PROS1: variants seen among roughly 807,000 people sequenced by gnomAD.
PROS1 encodes protein S.
PROS1 carries 29 observed loss-of-function variants against 75.9 expected under a neutral mutation model. That is an observed-to-expected ratio of 0.38 (90% CI 0.28 to 0.52). PROS1 has a LOEUF of 0.52. Among genes scored for constraint, PROS1 ranks in the 20% least tolerant of loss-of-function variants. The probability of loss-of-function intolerance (pLI) is 0.83; values close to 1 mark genes in which losing one functional copy is unlikely to be tolerated. For missense variants in PROS1, 680 were observed against 810.3 expected (o/e 0.84, Z 1.95); for synonymous variants, 245 against 280.6 (o/e 0.87, Z 1.27).
chr3:93,966,968 G>A (rs537637156), intron 1 of PROS1, among the ~76,000 whole-genome samples: 116 of 152,186 alleles, frequency 7.6e-4, no homozygotes, highest in African/African-American at 2.6e-3. Context: ...TTTTTGAAAC[G>A]TATAAGGGCC....
chr3:93,875,420 A>C (rs1288531026), intron 14 of PROS1, among the ~76,000 whole-genome samples: 5 of 152,074 alleles, frequency 3.3e-5, no homozygotes, highest in Non-Finnish European at 5.9e-5. Flanking sequence ...ATTTTGCCTG[A>C]AGTTAGTCCT....
chr3:93,967,194 C>T lies in PROS1; in HGVS notation c.76+6480G>A, dbSNP rs145193242. Among the ~76,000 whole-genome samples the T allele has an allele frequency of 1.3e-3, 193 of 152,280 alleles. 2 individuals carry two copies. Among genetic ancestry groups the T allele is most frequent in the Admixed American group, 0.012 (179 of 15,294 alleles). ...ATTTTTCTGCAGGATTGCTATTCCTCGAGCTGCTAAAAGTTGAACATATCA... is the reference window on the plus strand; with the variant it reads ...ATTTTTCTGCAGGATTGCTATTCCTTGAGCTGCTAAAAGTTGAACATATCA... On this transcript the variant is annotated intron_variant, in intron 1 of 14. Transcript: ENST00000394236.
chr3:93,965,657 A>C (rs1414081055), intron 1 of PROS1, among the ~76,000 whole-genome samples: 2 of 152,162 alleles, frequency 1.3e-5, no homozygotes, highest in Admixed American at 6.6e-5. Context: ...GAGCTCTGTG[A>C]GCAAGGACCC....
intron 1 of PROS1, among the ~76,000 whole-genome samples, chr3:93,957,069 C>T (rs555754874): frequency 7.5e-4 from 114 of 151,516 alleles, no homozygotes; most frequent in African/African-American, 2.7e-3. Context: ...TTGATATAAG[C>T]AAAACATTGG....
At chr3:93,880,626 G>A (rs1708263026) in intron 12 of PROS1, among the ~76,000 whole-genome samples, 1 of 152,138 alleles carries the variant, frequency 6.6e-6, no homozygotes, top group East Asian at 1.9e-4. Context: ...AATGTGTAAT[G>A]CTCAAATCAG....
At chr3:93,965,292 G>A (rs1337017739) in intron 1 of PROS1, among the ~76,000 whole-genome samples, 9 of 152,262 alleles carry the variant, frequency 5.9e-5, no homozygotes, top group East Asian at 5.8e-4. Context: ...GCTGTTTGCC[G>A]CCGTCGCAGA....
At chr3:93,969,640 C>G (rs532722031) in intron 1 of PROS1, among the ~76,000 whole-genome samples, 1 of 152,278 alleles carries the variant, frequency 6.6e-6, no homozygotes, top group Admixed American at 6.5e-5. Flanking sequence ...CACATGAGTT[C>G]CCACTGTATA....
intron 1 of PROS1, among the ~76,000 whole-genome samples, chr3:93,957,725 A>G (rs1709627064): frequency 6.6e-6 from 1 of 152,220 alleles, no homozygotes; most frequent in African/African-American, 2.4e-5. Context: ...ACCCCGGCAG[A>G]TATAAAAATC....
intron 1 of PROS1, among the ~76,000 whole-genome samples, chr3:93,952,224 G>C (rs1165122697): frequency 6.6e-6 from 1 of 152,076 alleles, no homozygotes. Flanking sequence ...TGCACCAAGA[G>C]GACCTAATAG....
intron 9 of PROS1, among the ~76,000 whole-genome samples, chr3:93,894,182 A>G (rs1708471068): frequency 6.6e-6 from 1 of 152,146 alleles, no homozygotes; most frequent in Non-Finnish European, 1.5e-5. Context: ...CAATATAGTA[A>G]AATAGTAATA....
chr3:93,926,093 T>C (rs546406924), intron 2 of PROS1, among the ~76,000 whole-genome samples: 1 of 152,230 alleles, frequency 6.6e-6, no homozygotes, highest in East Asian at 1.9e-4. Context: ...GATGTACTAA[T>C]ATGGTATCTT....
At position 93,925,658 on chromosome 3, in the gene PROS1, G is replaced by A. The variant is rs550576256; in HGVS notation, c.235-1394C>T. ...GGGCAACATGGCAAAACGCCCTCTC[G>A]ACAAAAAATACCAAAATTAGCCAGG... On this transcript the variant is annotated intron_variant, in intron 2 of 14. Transcript: ENST00000394236. Among the ~76,000 whole-genome samples the A allele has an allele frequency of 5.9e-5, 9 of 151,528 alleles. No individual in the cohort carries two copies. In the South Asian group the frequency reaches 6.3e-4, roughly 11 times the overall value.
rs1056536272 is a variant in PROS1 at position 93,965,509 on chromosome 3, A to G, written c.76+8165T>C. On this transcript the variant is annotated intron_variant, in intron 1 of 14. Transcript: ENST00000394236. ...GTGACCCAAGGCTTCTAATAGAGCTATAACACTCACTGCATGGCCGAAGAT... is the reference window on the plus strand; with the variant it reads ...GTGACCCAAGGCTTCTAATAGAGCTGTAACACTCACTGCATGGCCGAAGAT... 1.9e-4 allele frequency among the ~76,000 whole-genome samples: 29 copies of G among 152,274 alleles called. 1 individual carries two copies. Among genetic ancestry groups the G allele is most frequent in the Admixed American group, 3.3e-4 (5 of 15,298 alleles).
intron 4 of PROS1, 71 bp from the exon 5 acceptor site, chr3:93,906,214 A>G: frequency 1.9e-6 from 3 of 1,538,474 alleles, no homozygotes; most frequent in East Asian, 2.2e-5. Context: ...GTGTACTATA[A>G]TAAAAATCCT....
chr3:93,888,964 T>C (rs1708389304), intron 10 of PROS1, among the ~76,000 whole-genome samples: 1 of 152,222 alleles, frequency 6.6e-6, no homozygotes, highest in Non-Finnish European at 1.5e-5. Context: ...GTTTCTAACC[T>C]CATTTTCTAA....
chr3:93,960,581 A>G (rs1175615514), intron 1 of PROS1, among the ~76,000 whole-genome samples: 2 of 93,832 alleles, frequency 2.1e-5, no homozygotes, highest in Admixed American at 3.5e-4. Flanking sequence ...TTTGGATGCT[A>G]TGTGTTCCAG....
chr3:93,932,188 C>T (rs1317081594), intron 1 of PROS1, among the ~76,000 whole-genome samples: 1 of 152,198 alleles, frequency 6.6e-6, no homozygotes, highest in Non-Finnish European at 1.5e-5. Flanking sequence ...GACATATGAG[C>T]ACATAAATGC....
At chr3:93,875,092 G>C (rs1404893998) in intron 14 of PROS1, among the ~76,000 whole-genome samples, 1 of 151,530 alleles carries the variant, frequency 6.6e-6, no homozygotes, top group African/African-American at 2.4e-5. Context: ...CTTCTAACTT[G>C]CCAACACAGT....
intron 4 of PROS1, 48 bp downstream of exon 4, chr3:93,910,571 C>T: frequency 1.4e-6 from 2 of 1,466,538 alleles, no homozygotes; most frequent in African/African-American, 1.4e-5. Context: ...TGTACTTTAC[C>T]TACAGAGTTT....
Sources: gnomAD v4.1 joint callset for allele counts (sites outside exome capture counted in the v4.1 genomes callset) on GRCh38, gnomAD v4.1.1 for gene constraint, MANE v1.5 for transcripts, NCBI Gene and HGNC (gene_info 2026-07-23, HGNC 2026-07-21) for gene names.